The following BRME1 variants were observed in gnomAD, a reference collection of about 807,000 sequenced individuals.
The protein encoded by BRME1 is BRCA2 and MEILB2-associating protein 1.
BRME1 carries 31 observed loss-of-function variants against 52.6 expected under a neutral mutation model. That is an observed-to-expected ratio of 0.59 (90% CI 0.44 to 0.80). BRME1 has a LOEUF of 0.80. Among genes scored for constraint, BRME1 ranks in the 30% least tolerant of loss-of-function variants. The pLI is 0.00. For synonymous variants in BRME1, 359 were observed against 353.6 expected (o/e 1.02, Z -0.17); for missense variants, 804 against 860.3 (o/e 0.93, Z 0.82).
intron 2 of BRME1, among the ~76,000 whole-genome samples, chr19:13,902,146 C>T (rs1015104017): frequency 2.0e-5 from 3 of 151,934 alleles, no homozygotes; most frequent in Non-Finnish European, 4.4e-5. Context: ...CAAGATCAGC[C>T]TGGGCAACAT....
At chr19:13,902,591 G>A (rs553622998) in intron 2 of BRME1, among the ~76,000 whole-genome samples, 2 of 150,594 alleles carry the variant, frequency 1.3e-5, no homozygotes, top group East Asian at 4.0e-4. Context: ...AGCCGAGATC[G>A]CGCCAGCCTG....
In BRME1 at chr19:13,895,501, C is replaced by G; in HGVS notation, c.77G>C (p.Gly26Ala). The change falls in exon 3 of 9, where the codon GGA (glycine) becomes GCA (alanine). Residue 26 changes from glycine to alanine, a missense_variant. This residue lies in a region of BRME1 where 234 missense variants were observed against 258.1 expected (regional missense o/e 0.91). Transcript: ENST00000586783. ...ACTCTGGGGGTCCCCATAGAAGTCT[C>G]CTAGCCTTGGGTTCTTTAGGGGTTT... is the stretch of plus-strand genomic sequence containing the variant. ...PPKPLKNPRL[G>A]DFYGDPQSSM... The G allele has an allele frequency of 6.2e-7, 1 of 1,613,998 alleles. No homozygotes were observed. The highest frequency in any genetic ancestry group is 1.1e-5 in the South Asian group (1 of 91,060).
chr19:13,882,672 C>G lies in BRME1; in HGVS notation c.*130G>C, dbSNP rs1968712664. 4 of 1,255,480 alleles carry G rather than the reference C, an allele frequency of 3.2e-6. No homozygotes were observed. Among genetic ancestry groups the G allele is most frequent in the Non-Finnish European group, 4.5e-6 (4 of 890,216 alleles). 77.8% of individuals were successfully genotyped at this position (1,255,480 alleles called of 1,614,324 possible). ...GACCTCACGGCCTCCTTTGTGTTGT[C>G]CATGGAAGACCAACTTCCGGGCAAC... On this transcript the variant is annotated 3_prime_UTR_variant, in exon 9 of 9. Transcript: ENST00000586783.
At chr19:13,890,537 G>T (rs1408786333) in intron 5 of BRME1, 75 bp from the exon 6 acceptor site, 16 of 1,360,570 alleles carry the variant, frequency 1.2e-5, no homozygotes, top group Non-Finnish European at 1.4e-5. Context: ...TTAGGTTGGT[G>T]TAAAAGTAAT....
intron 4 of BRME1, 92 bp downstream of exon 4, chr19:13,893,050 A>C: frequency 7.2e-7 from 1 of 1,386,534 alleles, no homozygotes; most frequent in Non-Finnish European, 1.0e-6. Flanking sequence ...ACCATGAGTG[A>C]GCAATTGGTG....
At chr19:13,891,135 T>TTTTTTTTTTTATTATTATTATTATTA (rs59151567) in intron 5 of BRME1, among the ~76,000 whole-genome samples, 4 of 146,634 alleles carry the variant, frequency 2.7e-5, no homozygotes, top group African/African-American at 1.0e-4. Context: ...CAATTTCCTG[T>TTTTTTTTTTTATTATTATTATTATTA]TTATTATTAT....
chr19:13,892,965 A>G, intron 4 of BRME1, 75 bp from the exon 5 acceptor site: 1 of 1,448,792 alleles, frequency 6.9e-7, no homozygotes, highest in Non-Finnish European at 9.7e-7. Context: ...AAGCAACCCC[A>G]AACCTGCTCC....
Position 13,888,258 on chromosome 19 carries a change from A to T in BRME1, c.1668+930T>A, listed in dbSNP as rs2145134518. 6.6e-6 allele frequency: 1 copy of T among 151,896 alleles called. No individual in the cohort carries two copies. The highest frequency in any genetic ancestry group is 1.9e-4 in the East Asian group (1 of 5,168). 9.4% of individuals were successfully genotyped at this position (151,896 alleles called of 1,614,324 possible). A position where few individuals can be genotyped will look rare whatever the true frequency, so the allele number is the denominator to read the frequency against. ...TCAACACAGGGACAGCCAAAGAAACAGAGGCTGACATTTGAAAAGCAAATT... is the reference window on the plus strand; with the variant it reads ...TCAACACAGGGACAGCCAAAGAAACTGAGGCTGACATTTGAAAAGCAAATT... On this transcript the variant is annotated intron_variant, in intron 6 of 8. Coordinates refer to ENST00000586783, the MANE Select transcript of BRME1 (RefSeq NM_001345843.2). The surrounding 1 kb of genome is among the most constrained non-coding windows in gnomAD (Gnocchi z 4.1).
rs200702177 is a variant in BRME1, at chr19:13,895,526, T to G, written c.52A>C (p.Lys18Gln). The change falls in exon 3 of 9, where the codon AAA becomes CAA. Residue 18 changes from lysine (K) to glutamine (Q), a missense_variant. This residue lies in a region of BRME1 where 234 missense variants were observed against 258.1 expected (regional missense o/e 0.91). Coordinates refer to ENST00000586783, the MANE Select transcript of BRME1 (RefSeq NM_001345843.2). ...RTSGEGLCPP[K>Q]PLKNPRLGDF... Reference sequence around the variant, plus strand: ...CCTAGCCTTGGGTTCTTTAGGGGTTTTGGAGGACAGAGTCCCTCTCCTGTT... The same window carrying G: ...CCTAGCCTTGGGTTCTTTAGGGGTTGTGGAGGACAGAGTCCCTCTCCTGTT... 1.2e-6 allele frequency: 2 copies of G among 1,613,480 alleles called. No individual in the cohort carries two copies. The highest frequency in any genetic ancestry group is 1.7e-6 in the Non-Finnish European group (2 of 1,179,740).
Position 13,892,910 on chromosome 19 carries a change from A to T in BRME1, c.289-20T>A, listed in dbSNP as rs1220700307. 6.3e-7 allele frequency: 1 copy of T among 1,599,574 alleles called. No homozygotes were observed. On this transcript the variant is annotated intron_variant, in intron 4 of 8. Coordinates refer to ENST00000586783, the MANE Select transcript of BRME1 (RefSeq NM_001345843.2). ...TGAGTTCTGTAAACCGGATACAAGAACAAAGCAGCAATAAAGATAAGAGAG... is the reference window on the plus strand; with the variant it reads ...TGAGTTCTGTAAACCGGATACAAGATCAAAGCAGCAATAAAGATAAGAGAG...
At chr19:13,896,680 T>G (rs1249380003) in intron 2 of BRME1, among the ~76,000 whole-genome samples, 2 of 148,908 alleles carry the variant, frequency 1.3e-5, no homozygotes, top group East Asian at 3.9e-4. Flanking sequence ...ATGTATTATA[T>G]ATACTATATA....
chr19:13,904,691 C>T (rs1211218190), intron 2 of BRME1, among the ~76,000 whole-genome samples, 171 bp downstream of exon 2: 3 of 152,022 alleles, frequency 2.0e-5, no homozygotes, highest in Non-Finnish European at 4.4e-5. Flanking sequence ...CTGCCCGCCT[C>T]GGCCTCCCAA....
chr19:13,895,645 G>A (rs1343984199), intron 2 of BRME1, 99 bp from the exon 3 acceptor site: 1 of 1,034,204 alleles, frequency 9.7e-7, no homozygotes, highest in African/African-American at 1.6e-5. Flanking sequence ...CTGCACGCGA[G>A]AAGGGGCCGA....
At chr19:13,901,192 G>C (rs772304446) in intron 2 of BRME1, among the ~76,000 whole-genome samples, 1 of 150,870 alleles carries the variant, frequency 6.6e-6, no homozygotes, top group Non-Finnish European at 1.5e-5. Flanking sequence ...GCTCAGGCTG[G>C]TCATGAACTC....
At position 13,889,443 on chromosome 19, in the gene BRME1, C is replaced by T; in HGVS notation, c.1413G>A (p.Glu471=). The change falls in exon 6 of 9, where the codon GAG becomes GAA. Residue 471 remains glutamate, a synonymous_variant. Coordinates refer to ENST00000586783, the MANE Select transcript of BRME1 (RefSeq NM_001345843.2). ...AGGCTTGCGGGGACACACGGAACCC[C>T]TCGAGGTCTCGTTCGAGGTTCTGGC... ...LGGQNLERDL[E]GFRVSPQASV... is the part of the protein sequence containing the mutation. 1 of 1,614,018 alleles carries T rather than the reference C, an allele frequency of 6.2e-7. No individual in the cohort carries two copies. The highest frequency in any genetic ancestry group is 8.5e-7 in the Non-Finnish European group (1 of 1,180,036).
rs916040749 is a variant in BRME1, at chr19:13,902,049, GA to G, written c.31+2812del. On this transcript the variant is annotated intron_variant, in intron 2 of 8. Transcript: ENST00000586783. ...AAGCAAGACTCTGTCTCGAAAAAAA[GA>G]AAAAAAAAAAAGCTGGGTATGGTGG... Among the ~76,000 whole-genome samples the G allele has an allele frequency of 6.6e-4, 92 of 139,414 alleles. 1 individual carries two copies. In the East Asian group the frequency reaches 8.2e-3, roughly 12 times the overall value. 91.5% of individuals were successfully genotyped at this position (139,414 alleles called of 152,430 possible). A position where few individuals can be genotyped will look rare whatever the true frequency, so the allele number is the denominator to read the frequency against.
chr19:13,887,080 T>G (rs896016851), intron 6 of BRME1, among the ~76,000 whole-genome samples: 5 of 152,140 alleles, frequency 3.3e-5, no homozygotes. Context: ...GACGAGACCT[T>G]GGTTTGAGGT....
chr19:13,893,307 G>T, intron 3 of BRME1, 84 bp from the exon 4 acceptor site: 1 of 1,209,530 alleles, frequency 8.3e-7, no homozygotes, highest in Non-Finnish European at 1.2e-6. Flanking sequence ...GGGCGGCTGA[G>T]GCGGGCAGAT....
Position 13,886,058 on chromosome 19 carries a change from G to A in BRME1, c.1669-3C>T, listed in dbSNP as rs775185814. 5 of 1,613,608 alleles carry A rather than the reference G, an allele frequency of 3.1e-6. No individual in the cohort carries two copies. Among genetic ancestry groups the A allele is most frequent in the Non-Finnish European group, 4.2e-6 (5 of 1,179,744 alleles). On this transcript the variant is annotated splice_polypyrimidine_tract_variant and splice_region_variant and intron_variant, in intron 6 of 8. Transcript: ENST00000586783. ...GGCTTGTTCCCCGAAGGAAAGAGCT[G>A]GAAAGAGAGCACAAGGTGTGAGTGG...
Sources: allele counts gnomAD v4.1 joint callset (sites outside exome capture counted in the v4.1 genomes callset), GRCh38; gene constraint gnomAD v4.1.1; regional missense constraint gnomAD v4.1.1; non-coding constraint Gnocchi (gnomAD v3.1); transcripts MANE v1.5; gene names NCBI Gene and HGNC (gene_info 2026-07-23, HGNC 2026-07-21).